The following ILRUN variants were observed in gnomAD, a reference collection of about 807,000 sequenced individuals.
The protein encoded by ILRUN is inflammation and lipid regulator with UBA-like and NBR1-like domains, also known as protein ILRUN.
A neutral mutation model predicts 33.8 loss-of-function variants in ILRUN; 3 were observed. That is an observed-to-expected ratio of 0.09 (90% CI 0.04 to 0.23). ILRUN has a LOEUF of 0.23. ILRUN is among the 10% of genes least tolerant of loss of function. The pLI, the probability that ILRUN is intolerant of heterozygous loss-of-function variation, is 1.00. For synonymous variants in ILRUN, 124 were observed against 138.9 expected, an observed-to-expected ratio of 0.89 and a Z score of 0.75; for missense variants, 210 against 375.1, an observed-to-expected ratio of 0.56 and a Z score of 3.64.
At chr6:34,682,264 T>TTGTTTTGTTTTG (rs1554189559) in intron 1 of ILRUN, among the ~76,000 whole-genome samples, 20 of 137,800 alleles carry the variant, frequency 1.5e-4, no homozygotes, top group African/African-American at 5.6e-4. Context: ...TTTTTTTTTT[T>TTGTTTTGTTTTG]TTTTTTTTTT....
At chr6:34,683,180 A>G (rs148424104) in intron 1 of ILRUN, among the ~76,000 whole-genome samples, 1 of 151,516 alleles carries the variant, frequency 6.6e-6, no homozygotes, top group African/African-American at 2.4e-5. Context: ...GTATTTGTAT[A>G]TATGTGTATG....
chr6:34,656,235 C>CA (rs562655955), intron 1 of ILRUN, among the ~76,000 whole-genome samples: 1,953 of 61,372 alleles, frequency 0.032, 31 homozygotes, highest in Middle Eastern at 0.053. Flanking sequence ...GACTCCGTCT[C>CA]AAAAAAAAAA....
At chr6:34,652,373 G>A (rs1000444778) in intron 2 of ILRUN, among the ~76,000 whole-genome samples, 5 of 152,132 alleles carry the variant, frequency 3.3e-5, no homozygotes, top group African/African-American at 9.7e-5. Context: ...GAAAGGGGGC[G>A]AATGAAATTT....
intron 1 of ILRUN, among the ~76,000 whole-genome samples, chr6:34,692,731 T>A (rs927661582): frequency 3.3e-5 from 5 of 152,154 alleles, no homozygotes; most frequent in South Asian, 2.1e-4. Context: ...AGTTCAAGAC[T>A]AGGTCTGGCA....
intron 4 of ILRUN, 107 bp downstream of exon 4, chr6:34,606,444 TAAAG>T (rs1761631622): frequency 6.1e-6 from 5 of 818,638 alleles, no homozygotes; most frequent in Non-Finnish European, 7.6e-6. Context: ...TGAGCAGTCT[TAAAG>T]AACCTCCTCT....
intron 3 of ILRUN, among the ~76,000 whole-genome samples, chr6:34,615,888 C>G (rs532341188): frequency 6.6e-6 from 1 of 152,148 alleles, no homozygotes; most frequent in East Asian, 1.9e-4. Context: ...ACTGTACAAC[C>G]GAACCACCAT....
intron 4 of ILRUN, chr6:34,595,690 TACC>T (rs1376631335): frequency 1.1e-6 from 1 of 888,860 alleles, no homozygotes; most frequent in Non-Finnish European, 1.3e-6. Context: ...TTAGATAAAT[TACC>T]ACAACACAGG....
At chr6:34,674,671 T>G (rs1763189317) in intron 1 of ILRUN, among the ~76,000 whole-genome samples, 1 of 152,138 alleles carries the variant, frequency 6.6e-6, no homozygotes, top group Non-Finnish European at 1.5e-5. Flanking sequence ...CAGAACTACT[T>G]TACTCTTTAA....
intron 1 of ILRUN, among the ~76,000 whole-genome samples, chr6:34,662,995 G>A (rs1180226014): frequency 2.0e-5 from 3 of 152,214 alleles, no homozygotes; most frequent in Admixed American, 6.5e-5. Flanking sequence ...TTGGGAGGCT[G>A]CAGTGGGAGG....
Position 34,616,808 on chromosome 6 carries a change from A to C in ILRUN, c.512-9904T>G. Reference sequence around the variant, plus strand: ...ATTTATCATTAGGATCAGAGGTATCAATGGTGTGAACCCAAAGGTCTGAAA... The same window carrying C: ...ATTTATCATTAGGATCAGAGGTATCCATGGTGTGAACCCAAAGGTCTGAAA... On this transcript the variant is annotated intron_variant, in intron 3 of 4. Coordinates refer to ENST00000374023, the MANE Select transcript of ILRUN (RefSeq NM_024294.4). 3.3e-5 allele frequency: 23 copies of C among 696,006 alleles called. No individual in the cohort carries two copies. The South Asian group carries it at 3.5e-4, about 11-fold the overall frequency. The allele number at this position is 696,006 out of a possible 1,614,324, so 43.1% of individuals were successfully genotyped here. A position where few individuals can be genotyped will look rare whatever the true frequency, so the allele number is the denominator to read the frequency against.
intron 3 of ILRUN, among the ~76,000 whole-genome samples, chr6:34,633,164 A>C (rs1762282755): frequency 6.6e-6 from 1 of 152,262 alleles, no homozygotes; most frequent in South Asian, 2.1e-4. Context: ...CTTCAGAGCA[A>C]AGAAAATTAT....
intron 3 of ILRUN, among the ~76,000 whole-genome samples, chr6:34,620,917 C>T (rs759321433): frequency 2.0e-5 from 3 of 152,130 alleles, no homozygotes; most frequent in Non-Finnish European, 4.4e-5. Flanking sequence ...TTAATGGACA[C>T]CATCTTTGGT....
intron 3 of ILRUN, among the ~76,000 whole-genome samples, chr6:34,630,509 G>A (rs1195540652): frequency 2.6e-5 from 4 of 151,956 alleles, no homozygotes; most frequent in African/African-American, 4.8e-5. Flanking sequence ...TCAGCCTCCC[G>A]AGTAGCTGGG....
intron 3 of ILRUN, among the ~76,000 whole-genome samples, chr6:34,608,861 C>T (rs538927297): frequency 4.6e-5 from 7 of 152,284 alleles, no homozygotes; most frequent in South Asian, 4.1e-4. Context: ...AAGAAAGTAG[C>T]GGTTCCTGAA....
At chr6:34,683,450 A>G (rs1378647276) in intron 1 of ILRUN, among the ~76,000 whole-genome samples, 1 of 106,918 alleles carries the variant, frequency 9.4e-6, no homozygotes, top group Non-Finnish European at 1.7e-5. Flanking sequence ...ACATATATAT[A>G]TACATATATA....
intron 1 of ILRUN, among the ~76,000 whole-genome samples, chr6:34,655,205 G>A (rs1403096784): frequency 1.3e-5 from 2 of 152,044 alleles, no homozygotes; most frequent in African/African-American, 4.8e-5. Context: ...TTGAACTCCT[G>A]AGCTCAAGCG....
In ILRUN at chr6:34,588,319, A is replaced by G. The variant is rs759758980; in HGVS notation, c.*2246T>C. The stretch of plus-strand genomic sequence containing the variant: ...AGCAAGACGACTCTGGCAGGCCCAG[A>G]CCCACTGACGGTGGCCCATGAAGCC... On this transcript the variant is annotated 3_prime_UTR_variant, in exon 5 of 5. Transcript: ENST00000374023. The G allele has an allele frequency of 1.0e-5, 4 of 398,100 alleles. No homozygotes were observed. Among genetic ancestry groups the G allele is most frequent in the Non-Finnish European group, 1.8e-5 (4 of 226,056 alleles). 24.7% of individuals were successfully genotyped at this position (398,100 alleles called of 1,614,324 possible).
chr6:34,614,443 A>AAATATATATATAT (rs71000073), intron 3 of ILRUN, among the ~76,000 whole-genome samples: 5 of 133,596 alleles, frequency 3.7e-5, no homozygotes, highest in Middle Eastern at 3.4e-3. Flanking sequence ...AAAAAAAAAA[A>AAATATATATATAT]ATATATATAT....
intron 4 of ILRUN, among the ~76,000 whole-genome samples, chr6:34,601,709 C>CAA (rs1020473339): frequency 0.16 from 23,861 of 151,824 alleles, 2,480 homozygotes; most frequent in African/African-American, 0.29. Context: ...GTACCCGCCC[C>CAA]CCCAACTACT....
Sources: allele counts gnomAD v4.1 joint callset (sites outside exome capture counted in the v4.1 genomes callset), GRCh38; gene constraint gnomAD v4.1.1; transcripts MANE v1.5; gene names NCBI Gene and HGNC (gene_info 2026-07-23, HGNC 2026-07-21).